DSCAM: variants seen among roughly 807,000 people sequenced by gnomAD.
The protein encoded by DSCAM is cell adhesion molecule DSCAM.
A neutral mutation model predicts 217.7 loss-of-function variants in DSCAM; 47 were observed. The ratio of observed to expected loss-of-function variants is 0.22; its 90% CI spans 0.17 to 0.28. The LOEUF (loss-of-function observed/expected upper bound fraction) is 0.28. Ranked by LOEUF, DSCAM falls within the 10% of genes least tolerant of loss-of-function variation. The pLI, the probability that DSCAM is intolerant of heterozygous loss-of-function variation, is 1.00. For missense variants in DSCAM, 2,080 were observed against 2,618.3 expected, an observed-to-expected ratio of 0.79 and a Z score of 4.49; for synonymous variants, 1,056 against 1,015.3, an observed-to-expected ratio of 1.04 and a Z score of -0.76.
At chr21:40,543,858 T>C (rs554535027) in intron 3 of DSCAM, among the ~76,000 whole-genome samples, 88 of 152,316 alleles carry the variant, frequency 5.8e-4, no homozygotes, top group Admixed American at 9.1e-4. Context: ...CATATAAATT[T>C]ACATAATTAA....
intron 8 of DSCAM, 148 bp downstream of exon 8, chr21:40,337,953 A>G: frequency 1.0e-6 from 1 of 997,716 alleles, no homozygotes; most frequent in South Asian, 1.6e-5. Flanking sequence ...AGTAAAGAGG[A>G]CATCTCATGT....
chr21:40,300,655 T>C (rs2074005171), intron 9 of DSCAM, among the ~76,000 whole-genome samples: 1 of 152,206 alleles, frequency 6.6e-6, no homozygotes, highest in African/African-American at 2.4e-5. Context: ...AGTCAGGGTA[T>C]AAATTCTCTG....
chr21:40,501,819 C>T (rs550192035), intron 3 of DSCAM, among the ~76,000 whole-genome samples: 4 of 152,250 alleles, frequency 2.6e-5, no homozygotes, highest in Admixed American at 1.3e-4. Flanking sequence ...CCGGAACTCC[C>T]GACCTCAGGT....
chr21:40,085,909 A>C, intron 22 of DSCAM, 144 bp from the exon 23 acceptor site: 1 of 688,914 alleles, frequency 1.5e-6, no homozygotes, highest in East Asian at 3.1e-5. Context: ...ACTAAATATG[A>C]TTACATAATG....
At chr21:40,790,825 T>A (rs568513395) in intron 1 of DSCAM, among the ~76,000 whole-genome samples, 3 of 152,276 alleles carry the variant, frequency 2.0e-5, no homozygotes, top group Admixed American at 2.0e-4. Flanking sequence ...GATTTGTTAT[T>A]CCACCCAGAA....
chr21:40,363,178 T>A (rs1461527298), intron 4 of DSCAM, among the ~76,000 whole-genome samples: 1 of 152,044 alleles, frequency 6.6e-6, no homozygotes, highest in Admixed American at 6.6e-5. Context: ...GCTCATCACT[T>A]CTGGGACTTC....
intron 1 of DSCAM, among the ~76,000 whole-genome samples, chr21:40,789,485 T>G (rs889470666): frequency 7.2e-5 from 11 of 152,100 alleles, no homozygotes; most frequent in Non-Finnish European, 1.2e-4. Flanking sequence ...TCATAGCAGC[T>G]GCTTCATTAT....
intron 3 of DSCAM, among the ~76,000 whole-genome samples, chr21:40,646,428 A>AG (rs1467690166): frequency 1.8e-4 from 26 of 146,694 alleles, no homozygotes; most frequent in African/African-American, 6.3e-4. Context: ...AAAAAAAAAA[A>AG]GGGGGGCTGT....
intron 1 of DSCAM, among the ~76,000 whole-genome samples, chr21:40,784,526 C>A (rs1215623490): frequency 6.6e-6 from 1 of 152,168 alleles, no homozygotes; most frequent in Non-Finnish European, 1.5e-5. Context: ...AGAAACAAGT[C>A]AACATTTATT....
At chr21:40,726,660 A>G (rs1724715025) in intron 1 of DSCAM, among the ~76,000 whole-genome samples, 1 of 152,214 alleles carries the variant, frequency 6.6e-6, no homozygotes, top group African/African-American at 2.4e-5. Flanking sequence ...TATGCGGAAC[A>G]GTGCCTTCCA....
intron 5 of DSCAM, among the ~76,000 whole-genome samples, chr21:40,348,877 C>T (rs1448533286): frequency 1.3e-5 from 2 of 152,022 alleles, no homozygotes; most frequent in Non-Finnish European, 2.9e-5. Context: ...CATGGTGGCT[C>T]ACACCTGTAA....
intron 3 of DSCAM, among the ~76,000 whole-genome samples, chr21:40,520,366 A>G (rs1039433096): frequency 6.6e-6 from 1 of 152,232 alleles, no homozygotes; most frequent in Non-Finnish European, 1.5e-5. Context: ...ATGCAATGCT[A>G]TTATCTTCCA....
intron 3 of DSCAM, among the ~76,000 whole-genome samples, chr21:40,688,544 A>T (rs2090507587): frequency 6.6e-6 from 1 of 152,212 alleles, no homozygotes; most frequent in Non-Finnish European, 1.5e-5. Context: ...GAGGATGTCT[A>T]AAAAAATCCA....
At chr21:40,715,259 A>C (rs1042425662) in intron 1 of DSCAM, among the ~76,000 whole-genome samples, 1 of 152,214 alleles carries the variant, frequency 6.6e-6, no homozygotes, top group African/African-American at 2.4e-5. Flanking sequence ...GCCTGCCTTT[A>C]TTCCGGAAAG....
intron 3 of DSCAM, among the ~76,000 whole-genome samples, chr21:40,468,573 G>A (rs2075863326): frequency 6.6e-6 from 1 of 152,110 alleles, no homozygotes; most frequent in East Asian, 1.9e-4. Flanking sequence ...TTGGGGTTTG[G>A]AGTGGGGCAA....
chr21:40,111,724 T>C (rs540496218), intron 20 of DSCAM, among the ~76,000 whole-genome samples: 49 of 152,224 alleles, frequency 3.2e-4, no homozygotes, highest in African/African-American at 1.2e-3. Flanking sequence ...GAGGAAGATC[T>C]ACCAAGCAAA....
chr21:40,276,043 C>G (rs2123380518), intron 11 of DSCAM, 54 bp downstream of exon 11: 2 of 1,466,516 alleles, frequency 1.4e-6, no homozygotes, highest in East Asian at 2.4e-5. Flanking sequence ...AAAGGAAGCC[C>G]CCAGAGACCT....
chr21:40,107,965 T>C (rs1327211428), intron 20 of DSCAM, among the ~76,000 whole-genome samples: 1 of 152,162 alleles, frequency 6.6e-6, no homozygotes, highest in Non-Finnish European at 1.5e-5. Context: ...CCAACATCCA[T>C]TCATGTTAAA....
intron 3 of DSCAM, among the ~76,000 whole-genome samples, chr21:40,554,869 A>G (rs2076658729): frequency 6.6e-6 from 1 of 152,106 alleles, no homozygotes; most frequent in Admixed American, 6.6e-5. Flanking sequence ...AACACTTGAC[A>G]CATGGTATTG....
Sources: allele counts gnomAD v4.1 joint callset (sites outside exome capture counted in the v4.1 genomes callset), GRCh38; gene constraint gnomAD v4.1.1; transcripts MANE v1.5; gene names NCBI Gene and HGNC (gene_info 2026-07-23, HGNC 2026-07-21).